The following SULF1 variants were observed in gnomAD, a reference collection of about 807,000 sequenced individuals.
SULF1 encodes the protein sulfatase 1.
In SULF1, 46 loss-of-function variants were observed where a neutral mutation model predicts 110.5. The ratio of observed to expected loss-of-function variants is 0.42; its 90% CI spans 0.33 to 0.53. SULF1 has a LOEUF of 0.53. Among genes scored for constraint, SULF1 ranks in the 20% least tolerant of loss-of-function variants. The pLI is 0.12. For missense variants in SULF1, 941 were observed against 1,094.2 expected (o/e 0.86, Z 1.98); for synonymous variants, 371 against 387.1 (o/e 0.96, Z 0.49).
At chr8:69,609,710 T>A (rs62513022) in intron 13 of SULF1, among the ~76,000 whole-genome samples, 41,414 of 152,218 alleles carry the variant, frequency 0.27, 6,362 homozygotes, top group South Asian at 0.37. Flanking sequence ...CCTTTGAAAC[T>A]ATGAATGGCA....
chr8:69,477,970 C>T (rs539058886), intron 1 of SULF1, among the ~76,000 whole-genome samples: 8 of 152,186 alleles, frequency 5.3e-5, no homozygotes, highest in Non-Finnish European at 1.2e-4. Context: ...GATCCTCCCA[C>T]CTCAGCCTCC....
chr8:69,649,626 A>G (rs997688928), intron 22 of SULF1, among the ~76,000 whole-genome samples: 1 of 152,170 alleles, frequency 6.6e-6, no homozygotes, highest in Admixed American at 6.5e-5. Context: ...ATGATATTTT[A>G]AAGAGTGCAT....
At chr8:69,601,595 T>C in intron 9 of SULF1, 59 bp from the exon 10 acceptor site, 2 of 1,440,004 alleles carry the variant, frequency 1.4e-6, no homozygotes, top group Non-Finnish European at 1.9e-6. Context: ...GGCAACACTA[T>C]TGAGCATCAT....
chr8:69,577,031 A>G (rs1029145013), intron 6 of SULF1, among the ~76,000 whole-genome samples: 27 of 152,244 alleles, frequency 1.8e-4, no homozygotes, highest in Non-Finnish European at 5.9e-5. Context: ...ATATATGGCC[A>G]TTTGCTTCTT....
intron 3 of SULF1, among the ~76,000 whole-genome samples, chr8:69,545,099 T>C (rs983355854): frequency 1.3e-5 from 2 of 151,478 alleles, no homozygotes; most frequent in Non-Finnish European, 2.9e-5. Flanking sequence ...TTTTTTTTTT[T>C]TCATTTCTAT....
intron 5 of SULF1, among the ~76,000 whole-genome samples, chr8:69,569,558 C>T (rs1001014730): frequency 1.3e-5 from 2 of 152,202 alleles, no homozygotes; most frequent in African/African-American, 4.8e-5. Context: ...ATTGACCATA[C>T]TGCTGTTTTT....
At chr8:69,599,105 T>C (rs1807577483) in intron 8 of SULF1, among the ~76,000 whole-genome samples, 1 of 152,122 alleles carries the variant, frequency 6.6e-6, no homozygotes, top group Non-Finnish European at 1.5e-5. Flanking sequence ...GCTTTCCCCA[T>C]GGGAAATCCA....
intron 22 of SULF1, chr8:69,642,169 C>G (rs773635281): frequency 6.7e-5 from 57 of 848,614 alleles, no homozygotes; most frequent in Non-Finnish European, 7.7e-5. Flanking sequence ...TCTTCTTTAT[C>G]TATATTAATA....
chr8:69,610,330 C>T (rs1210430698), intron 13 of SULF1, among the ~76,000 whole-genome samples: 2 of 152,194 alleles, frequency 1.3e-5, no homozygotes, highest in African/African-American at 4.8e-5. Flanking sequence ...ATCCTTCTGA[C>T]CCTTTGTGAC....
chr8:69,632,474 T>G (rs143434285), intron 19 of SULF1, among the ~76,000 whole-genome samples: 4 of 152,166 alleles, frequency 2.6e-5, no homozygotes, highest in Admixed American at 6.5e-5. Context: ...ATCCATTTTC[T>G]ATTACATATT....
At chr8:69,568,821 A>G (rs1805003228) in intron 5 of SULF1, among the ~76,000 whole-genome samples, 1 of 152,248 alleles carries the variant, frequency 6.6e-6, no homozygotes, top group Non-Finnish European at 1.5e-5. Context: ...CTGGGGAAAA[A>G]GTGATGACCG....
chr8:69,486,967 C>A (rs946429675), intron 1 of SULF1, among the ~76,000 whole-genome samples: 1 of 152,168 alleles, frequency 6.6e-6, no homozygotes, highest in Non-Finnish European at 1.5e-5. Context: ...TAAATCACTT[C>A]CAGAAATTCC....
intron 3 of SULF1, among the ~76,000 whole-genome samples, chr8:69,541,274 G>A (rs1278197819): frequency 1.3e-5 from 2 of 152,208 alleles, no homozygotes; most frequent in African/African-American, 4.8e-5. Context: ...TGTGAGACCG[G>A]AGGACACCCC....
chr8:69,547,123 A>G (rs1310982326), intron 3 of SULF1, among the ~76,000 whole-genome samples: 1 of 149,294 alleles, frequency 6.7e-6, no homozygotes, highest in African/African-American at 2.4e-5. Context: ...CCAGCCTTGG[A>G]GTCAGAAGAC....
chr8:69,638,117 A>G (rs1811194013), intron 19 of SULF1: 2 of 210,074 alleles, frequency 9.5e-6, no homozygotes, highest in South Asian at 8.2e-5. Context: ...TACTAGTTCC[A>G]TATCTTTATT....
intron 7 of SULF1, 80 bp downstream of exon 7, chr8:69,586,588 T>G (rs1806481517): frequency 6.3e-6 from 9 of 1,428,472 alleles, no homozygotes; most frequent in Non-Finnish European, 8.5e-6. Context: ...AGTTAAACTA[T>G]CCACAAGATT....
intron 14 of SULF1, among the ~76,000 whole-genome samples, chr8:69,623,700 C>T (rs1009043232): frequency 6.6e-6 from 1 of 152,206 alleles, no homozygotes; most frequent in Non-Finnish European, 1.5e-5. Context: ...GCTGGAGGCC[C>T]AGAGAAGTGT....
chr8:69,576,851 C>T (rs763087413), intron 6 of SULF1, among the ~76,000 whole-genome samples: 2 of 152,212 alleles, frequency 1.3e-5, no homozygotes, highest in Non-Finnish European at 2.9e-5. Flanking sequence ...TTTCCAGAAT[C>T]ACCTAGGCTT....
chr8:69,557,079 T>C (rs1204092645), intron 3 of SULF1, among the ~76,000 whole-genome samples: 2 of 152,240 alleles, frequency 1.3e-5, no homozygotes, highest in African/African-American at 4.8e-5. Context: ...AGTTCATCCA[T>C]GTCCCTGCAA....
Sources: allele counts gnomAD v4.1 joint callset (sites outside exome capture counted in the v4.1 genomes callset), GRCh38; gene constraint gnomAD v4.1.1; transcripts MANE v1.5; gene names NCBI Gene and HGNC (gene_info 2026-07-23, HGNC 2026-07-21).